Variants in TNS1 observed in about 807,000 individuals in gnomAD.
The protein encoded by TNS1 is tensin-1.
In TNS1, 62 loss-of-function variants were observed where a neutral mutation model predicts 168.6. That is an observed-to-expected ratio of 0.37 (90% CI 0.30 to 0.45). The LOEUF (loss-of-function observed/expected upper bound fraction) is 0.45, where lower values mean the gene tolerates loss of function less well. TNS1 is among the 20% of genes least tolerant of loss of function. The pLI is 1.00. For synonymous variants in TNS1, 934 were observed against 933.2 expected (o/e 1.00, Z -0.02); for missense variants, 2,240 against 2,339.4 (o/e 0.96, Z 0.88).
At chr2:217,808,171 C>T (rs1443221956) in intron 31 of TNS1, 64 bp from the exon 32 acceptor site, 2 of 1,585,714 alleles carry the variant, frequency 1.3e-6, no homozygotes, top group Non-Finnish European at 1.7e-6. Context: ...CAGCCCCACC[C>T]ATGCCCAGAC....
intron 22 of TNS1, chr2:217,830,098 C>A (rs561781311): frequency 3.0e-6 from 2 of 658,348 alleles, no homozygotes; most frequent in Admixed American, 1.3e-4. Context: ...AGGGGAAGGC[C>A]GAGGCCCACC....
intron 6 of TNS1, chr2:217,901,600 T>A (rs532563227): frequency 6.6e-6 from 1 of 152,226 alleles, no homozygotes; most frequent in African/African-American, 2.4e-5. Context: ...AACACCCATG[T>A]GCCTCTCAGA....
At chr2:217,833,867 A>G (rs914899822) in intron 21 of TNS1, among the ~76,000 whole-genome samples, 64 of 152,270 alleles carry the variant, frequency 4.2e-4, no homozygotes, top group African/African-American at 1.5e-3. Flanking sequence ...GGGGTTAAAT[A>G]AAACATATTA....
rs778758026 is a variant in TNS1 at position 217,814,970 on chromosome 2, C to T, written c.4671G>A (p.Val1557=). The T allele has an allele frequency of 6.2e-7, 1 of 1,613,358 alleles. No homozygotes were observed. Among genetic ancestry groups the T allele is most frequent in the African/African-American group, 1.3e-5 (1 of 74,940 alleles). The part of the protein sequence containing the change: ...PDNSPETRAK[V]KFVQDTSKYW... ...ACTTAGAAGTGTCCTGGACAAACTT[C>T]ACTTTAGCCCGCGTCTCCGGGCTGT... Residue 1557 remains valine, a synonymous_variant, in exon 25 of 33, where the codon GTG becomes GTA. Coordinates refer to ENST00000682258, the MANE Select transcript of TNS1 (RefSeq NM_001387777.1).
At chr2:217,987,285 G>A (rs1382893704) in intron 2 of TNS1, among the ~76,000 whole-genome samples, 2 of 152,150 alleles carry the variant, frequency 1.3e-5, no homozygotes, top group Non-Finnish European at 2.9e-5. Flanking sequence ...GCCCCCCAGA[G>A]ACCCAGGACA....
At chr2:217,952,086 AAC>A (rs1223784723) in intron 3 of TNS1, among the ~76,000 whole-genome samples, 1 of 152,214 alleles carries the variant, frequency 6.6e-6, no homozygotes, top group East Asian at 1.9e-4. Context: ...AACAAACACA[AAC>A]ACACAACACA....
At chr2:218,022,362 A>G (rs949734398) in intron 1 of TNS1, among the ~76,000 whole-genome samples, 3 of 152,106 alleles carry the variant, frequency 2.0e-5, no homozygotes, top group Non-Finnish European at 2.9e-5. Flanking sequence ...TTCTCCCACT[A>G]AGGCCACTCA....
intron 7 of TNS1, among the ~76,000 whole-genome samples, chr2:217,898,959 C>T (rs1202828540): frequency 6.6e-6 from 1 of 152,246 alleles, no homozygotes; most frequent in East Asian, 1.9e-4. Flanking sequence ...TGTCTCGCTT[C>T]CCCCTCTATC....
At chr2:217,889,000 T>C (rs915879453) in intron 12 of TNS1, among the ~76,000 whole-genome samples, 1 of 152,160 alleles carries the variant, frequency 6.6e-6, no homozygotes, top group East Asian at 1.9e-4. Context: ...AGCATGCTTC[T>C]CTCTTAGTAT....
intron 12 of TNS1, among the ~76,000 whole-genome samples, chr2:217,887,551 GC>G (rs1951327844): frequency 6.6e-6 from 1 of 152,144 alleles, no homozygotes; most frequent in Non-Finnish European, 1.5e-5. Context: ...CAGGTGATCA[GC>G]CCGCCTCGGC....
intron 3 of TNS1, among the ~76,000 whole-genome samples, chr2:217,937,641 C>T (rs980678030): frequency 1.3e-5 from 2 of 152,282 alleles, no homozygotes; most frequent in East Asian, 1.9e-4. Flanking sequence ...AGTTCCACAG[C>T]GTTGGGACTG....
rs144776066 is a variant in TNS1 at position 217,971,284 on chromosome 2, C to T, written c.186+7481G>A. ...AACTACTAATCTGCTCTGTCACTAG[C>T]GATTTGTCTTTTCCAAATTGCATTA... On this transcript the variant is annotated intron_variant, in intron 3 of 32. Coordinates refer to ENST00000682258, the MANE Select transcript of TNS1 (RefSeq NM_001387777.1). 1.5e-3 allele frequency among the ~76,000 whole-genome samples: 228 copies of T among 152,336 alleles called. 2 individuals carry two copies. The highest frequency in any genetic ancestry group is 4.8e-3 in the South Asian group (23 of 4,826).
rs35026780 is a variant in TNS1, at chr2:217,920,563, A to ATTTTTTTT, written c.187-335_187-328dup. Among the ~76,000 whole-genome samples, 434 of 135,898 alleles carry ATTTTTTTT rather than the reference A, an allele frequency of 3.2e-3. 6 individuals are homozygous for ATTTTTTTT. The highest frequency in any genetic ancestry group is 0.011 in the African/African-American group (417 of 37,306). The allele number at this position is 135,898 out of a possible 152,430, so 89.2% of individuals were successfully genotyped here. On this transcript the variant is annotated intron_variant, in intron 3 of 32. Coordinates refer to ENST00000682258, the MANE Select transcript of TNS1 (RefSeq NM_001387777.1). ...GAAGCTTCAGGTAATAAGAAGAAGG[A>ATTTTTTTT]TTTTTTTTTTTTTTTTTTGCTCTAT...
intron 19 of TNS1, among the ~76,000 whole-genome samples, chr2:217,840,114 GAAGAA>G (rs1276694227): frequency 1.3e-5 from 2 of 152,218 alleles, no homozygotes; most frequent in African/African-American, 4.8e-5. Flanking sequence ...TGGACTGGGA[GAAGAA>G]GGGACCATGG....
chr2:217,883,396 C>T (rs1950864233), intron 16 of TNS1, among the ~76,000 whole-genome samples: 1 of 152,200 alleles, frequency 6.6e-6, no homozygotes, highest in South Asian at 2.1e-4. Context: ...CCTGGAATAG[C>T]TGTGCTAACA....
intron 1 of TNS1, among the ~76,000 whole-genome samples, chr2:218,009,788 C>G (rs1337600109): frequency 6.6e-6 from 1 of 152,184 alleles, no homozygotes; most frequent in Admixed American, 6.5e-5. Context: ...CTCCGTATCC[C>G]CAAATCCGCC....
In TNS1 at chr2:217,817,893, G is replaced by A; in HGVS notation, c.4439C>T (p.Ala1480Val). The change falls in exon 24 of 33, where the codon GCC (alanine) becomes GTC (valine). Residue 1480 changes from alanine to valine, a missense_variant. Coordinates refer to ENST00000682258, the MANE Select transcript of TNS1 (RefSeq NM_001387777.1). The part of the protein sequence containing the change: ...PATSPSPDSA[A>V]FRQGSPTPAL... ...TGGTGTTGGGCTCCCTTGCCGGAAG[G>A]CTGCGGAGTCTGGTGACGGGGAGGT... is the stretch of plus-strand genomic sequence containing the variant. The A allele has an allele frequency of 1.2e-6, 2 of 1,614,054 alleles. No homozygotes were observed. The highest frequency in any genetic ancestry group is 1.7e-5 in the Admixed American group (1 of 60,022).
At chr2:217,814,188 T>C (rs947816643) in intron 25 of TNS1, among the ~76,000 whole-genome samples, 7 of 152,122 alleles carry the variant, frequency 4.6e-5, no homozygotes, top group Admixed American at 3.9e-4. Context: ...CATTTTCTTT[T>C]TGTTTTTTGT....
chr2:217,894,803 T>TG (rs1269095880), intron 9 of TNS1, among the ~76,000 whole-genome samples: 2 of 152,192 alleles, frequency 1.3e-5, no homozygotes, highest in Non-Finnish European at 2.9e-5. Flanking sequence ...CAGACCTGGG[T>TG]GGAAAGTCAC....
Sources: allele counts gnomAD v4.1 joint callset (sites outside exome capture counted in the v4.1 genomes callset), GRCh38; gene constraint gnomAD v4.1.1; transcripts MANE v1.5; gene names NCBI Gene and HGNC (gene_info 2026-07-23, HGNC 2026-07-21).